Variants in ZNF605 observed in about 807,000 individuals in gnomAD.
The protein encoded by ZNF605 is zinc finger protein 605.
In ZNF605, 9 loss-of-function variants were observed where a neutral mutation model predicts 7.9. That is an observed-to-expected ratio of 1.14 (90% CI 0.68 to 1.98). The LOEUF is 1.98. Among genes scored for constraint, ZNF605 ranks in the 30% most tolerant of loss-of-function variants. The pLI is 0.00. For missense variants in ZNF605, 673 were observed against 762.4 expected (o/e 0.88, Z 1.38); for synonymous variants, 255 against 260.1 (o/e 0.98, Z 0.19).
chr12:132,933,221 C>T lies in ZNF605; in HGVS notation c.16-66G>A. ...ATTTGGTCTTGTAAAATACTTTCTT[C>T]TGTATTTGTGGTAGGTGGCCTCTAA... On this transcript the variant is annotated intron_variant, in intron 3 of 4. Coordinates refer to ENST00000360187, the MANE Select transcript of ZNF605 (RefSeq NM_183238.4). This position sits in a 1 kb window ranked among gnomAD's most constrained non-coding sequence, Gnocchi z 4.4. 1 of 1,528,746 alleles carries T rather than the reference C, an allele frequency of 6.5e-7. No individual in the cohort carries two copies. The highest frequency in any genetic ancestry group is 8.8e-7 in the Non-Finnish European group (1 of 1,133,666). 94.7% of individuals were successfully genotyped at this position (1,528,746 alleles called of 1,614,324 possible). A position where few individuals can be genotyped will look rare whatever the true frequency, so the allele number is the denominator to read the frequency against.
chr12:132,937,500 AACACACACACACACAGACACACAC>A (rs1952380599), intron 3 of ZNF605, among the ~76,000 whole-genome samples: 1 of 151,476 alleles, frequency 6.6e-6, no homozygotes, highest in South Asian at 2.1e-4. Context: ...GCTAAAACTA[AACACACACACACACAGACACACAC>A]ACACACACAC....
At position 132,924,838 on chromosome 12, in the gene ZNF605, C is replaced by T. The variant is rs1952231485; in HGVS notation, c.*535G>A. The T allele has an allele frequency of 6.6e-6, 1 of 152,576 alleles. No homozygotes were observed. The highest frequency in any genetic ancestry group is 2.4e-5 in the African/African-American group (1 of 41,462). 9.5% of individuals were successfully genotyped at this position (152,576 alleles called of 1,614,324 possible). A position where few individuals can be genotyped will look rare whatever the true frequency, so the allele number is the denominator to read the frequency against. ...TCTTCACATCTAAGTAAACACACCT[C>T]ACACTTACAATTCACTGCTTTTTGT... On this transcript the variant is annotated 3_prime_UTR_variant, in exon 5 of 5. Transcript: ENST00000360187.
rs1952439262 is a variant in ZNF605, at chr12:132,941,359, G to A, written c.15+4262C>T. Among the ~76,000 whole-genome samples, 1 of 152,134 alleles carries A rather than the reference G, an allele frequency of 6.6e-6. No individual in the cohort carries two copies. The highest frequency in any genetic ancestry group is 2.1e-4 in the South Asian group (1 of 4,830). On this transcript the variant is annotated intron_variant, in intron 3 of 4. Coordinates refer to ENST00000360187, the MANE Select transcript of ZNF605 (RefSeq NM_183238.4). This position sits in a 1 kb window ranked among gnomAD's most constrained non-coding sequence, Gnocchi z 5.1. ...CCAAAGGTAGATTGCCAGGTCAATC[G>A]GCCATGACATTCTCGGCAGGTAGAT...
chr12:132,953,716 T>C (rs1400973108), intron 1 of ZNF605, among the ~76,000 whole-genome samples: 1 of 151,832 alleles, frequency 6.6e-6, no homozygotes, highest in South Asian at 2.1e-4. Flanking sequence ...TGAGCCACGG[T>C]GCCCAGCTAA....
chr12:132,919,395 T>A lies in ZNF605; in HGVS notation c.*5978A>T, dbSNP rs1209175763. On this transcript the variant is annotated 3_prime_UTR_variant, in exon 5 of 5. Coordinates refer to ENST00000360187, the MANE Select transcript of ZNF605 (RefSeq NM_183238.4). Reference sequence around the variant, plus strand: ...CAGTAATGCCTTTTTTTTTTTTTTTTTTTTTTTTGAGATGGAGTCTCGCTT... The same window carrying A: ...CAGTAATGCCTTTTTTTTTTTTTTTATTTTTTTTGAGATGGAGTCTCGCTT... The A allele has an allele frequency of 6.8e-6, 1 of 146,132 alleles. No individual in the cohort carries two copies. Among genetic ancestry groups the A allele is most frequent in the East Asian group, 2.0e-4 (1 of 5,056 alleles). The allele number at this position is 146,132 out of a possible 1,614,324, so 9.1% of individuals were successfully genotyped here. A position where few individuals can be genotyped will look rare whatever the true frequency, so the allele number is the denominator to read the frequency against.
intron 3 of ZNF605, among the ~76,000 whole-genome samples, chr12:132,943,431 C>A (rs955475471): frequency 6.6e-6 from 1 of 152,024 alleles, no homozygotes; most frequent in African/African-American, 2.4e-5. Flanking sequence ...AAGGCTTTAC[C>A]CAGCAGGCCT....
Position 132,934,277 on chromosome 12 carries a change from C to CAAATAAAT in ZNF605, c.16-1130_16-1123dup, listed in dbSNP as rs57470927. On this transcript the variant is annotated intron_variant, in intron 3 of 4. Transcript: ENST00000360187. The stretch of plus-strand genomic sequence containing the variant: ...TGGGCAACAGAGCAAGACTCTGTCT[C>CAAATAAAT]AAATAAATAAATAAATAAATAAACA... Among the ~76,000 whole-genome samples the CAAATAAAT allele has an allele frequency of 1.7e-4, 26 of 151,216 alleles. 1 individual carries two copies. Among genetic ancestry groups the CAAATAAAT allele is most frequent in the Non-Finnish European group, 2.5e-4 (17 of 67,824 alleles).
At position 132,929,542 on chromosome 12, in the gene ZNF605, A is replaced by G. The variant is rs1345961315; in HGVS notation, c.137-2380T>C. ...AAGATCAAAAGCAAGAGTCATATGT[A>G]GACAAGTGTGAGATCCACTTGAAGA... On this transcript the variant is annotated intron_variant, in intron 4 of 4. Transcript: ENST00000360187. 2.6e-5 allele frequency among the ~76,000 whole-genome samples: 4 copies of G among 152,262 alleles called. No homozygotes were observed. In the East Asian group the frequency reaches 7.7e-4, roughly 29 times the overall value.
At chr12:132,939,134 T>C (rs1952403308) in intron 3 of ZNF605, among the ~76,000 whole-genome samples, 3 of 152,032 alleles carry the variant, frequency 2.0e-5, no homozygotes, top group Admixed American at 6.5e-5. Flanking sequence ...GGCTGAGGAA[T>C]GCGAGCGCAC....
intron 3 of ZNF605, among the ~76,000 whole-genome samples, chr12:132,938,878 T>C (rs1278489): frequency 0.63 from 95,559 of 151,570 alleles, 31,449 homozygotes; most frequent in Non-Finnish European, 0.75. Context: ...CCCCGGGCAA[T>C]GGGGGACTTA....
intron 1 of ZNF605, among the ~76,000 whole-genome samples, chr12:132,955,759 C>A (rs976376449): frequency 6.6e-6 from 1 of 152,036 alleles, no homozygotes; most frequent in Non-Finnish European, 1.5e-5. Context: ...CTCCAATGCT[C>A]ACCCAAAGGC....
At chr12:132,937,884 AG>A (rs1030009119) in intron 3 of ZNF605, among the ~76,000 whole-genome samples, 18 of 152,268 alleles carry the variant, frequency 1.2e-4, no homozygotes, top group African/African-American at 4.3e-4. Context: ...GCCAAGAAAA[AG>A]GAAGAAACTA....
intron 4 of ZNF605, among the ~76,000 whole-genome samples, chr12:132,931,638 C>T (rs1412233395): frequency 1.3e-5 from 2 of 151,988 alleles, no homozygotes; most frequent in Non-Finnish European, 2.9e-5. Context: ...CTCTTGAGCA[C>T]AAATCTAGCT....
At position 132,925,958 on chromosome 12, in the gene ZNF605, C is replaced by CAG. The variant is rs1952242404; in HGVS notation, c.1340_1341insCT (p.Lys447AsnfsTer19). The CAG allele has an allele frequency of 6.2e-7, 1 of 1,613,840 alleles. No homozygotes were observed. The highest frequency in any genetic ancestry group is 1.3e-5 in the African/African-American group (1 of 74,850). ...TCCCACACTCACTGCATTCATAAGG[C>CAG]TTCTCCCCAGTGTGTGTTCTGTGAT... On this transcript the variant is annotated frameshift_variant, in exon 5 of 5. Coordinates refer to ENST00000360187, the MANE Select transcript of ZNF605 (RefSeq NM_183238.4). LOFTEE classifies it low-confidence loss of function (END_TRUNC).
At chr12:132,935,892 TAAA>T (rs146610476) in intron 3 of ZNF605, among the ~76,000 whole-genome samples, 2,427 of 98,240 alleles carry the variant, frequency 0.025, 179 homozygotes, top group African/African-American at 0.092. Flanking sequence ...GACTCTGTCT[TAAA>T]AAAAAAAAAA....
chr12:132,928,706 A>G (rs770987), intron 4 of ZNF605, among the ~76,000 whole-genome samples: 65,380 of 152,038 alleles, frequency 0.43, 14,958 homozygotes, highest in Middle Eastern at 0.56. Flanking sequence ...AAGATCTGGC[A>G]TGGTCTCAAA....
intron 4 of ZNF605, 25 bp from the exon 5 acceptor site, chr12:132,927,187 T>C: frequency 6.7e-7 from 1 of 1,485,596 alleles, no homozygotes; most frequent in South Asian, 1.3e-5. Flanking sequence ...AAATGAACCA[T>C]ACTGTGTAAT....
chr12:132,946,475 G>A (rs1952495213), intron 2 of ZNF605, among the ~76,000 whole-genome samples: 1 of 152,256 alleles, frequency 6.6e-6, no homozygotes, highest in African/African-American at 2.4e-5. Flanking sequence ...ACACAAGGCA[G>A]GGAATGTCTT....
intron 3 of ZNF605, chr12:132,944,808 G>C (rs1371780818): frequency 6.5e-6 from 1 of 153,222 alleles, no homozygotes; most frequent in Non-Finnish European, 1.5e-5. Context: ...TTTTCTTTAT[G>C]TGTAATTATC....
Sources: allele counts gnomAD v4.1 joint callset (sites outside exome capture counted in the v4.1 genomes callset), GRCh38; gene constraint gnomAD v4.1.1; non-coding constraint Gnocchi (gnomAD v3.1); transcripts MANE v1.5; gene names NCBI Gene and HGNC (gene_info 2026-07-23, HGNC 2026-07-21).